The following GRID1 variants were observed in gnomAD, a reference collection of about 807,000 sequenced individuals.
GRID1 encodes glutamate ionotropic receptor delta type subunit 1.
A neutral mutation model predicts 98.0 loss-of-function variants in GRID1; 28 were observed. That is an observed-to-expected ratio of 0.29 (90% CI 0.21 to 0.39). The LOEUF (loss-of-function observed/expected upper bound fraction) is 0.39, where lower values mean the gene tolerates loss of function less well. GRID1 is among the 10% of genes least tolerant of loss of function. GRID1 has a pLI of 1.00. For synonymous variants in GRID1, 553 were observed against 538.5 expected (o/e 1.03, Z -0.37); for missense variants, 1,111 against 1,340.5 (o/e 0.83, Z 2.67).
chr10:86,299,726 C>T (rs1389392447), intron 2 of GRID1, among the ~76,000 whole-genome samples: 1 of 152,050 alleles, frequency 6.6e-6, no homozygotes. Context: ...TTGTGCCTGT[C>T]CCTCCAACAC....
chr10:85,985,498 G>T (rs1463364570), intron 4 of GRID1, among the ~76,000 whole-genome samples: 5 of 152,172 alleles, frequency 3.3e-5, no homozygotes, highest in Non-Finnish European at 7.3e-5. Context: ...CCAGAAGCAG[G>T]GTTTACCGCA....
At chr10:86,193,414 G>C (rs953786952) in intron 3 of GRID1, among the ~76,000 whole-genome samples, 14 of 152,252 alleles carry the variant, frequency 9.2e-5, no homozygotes, top group African/African-American at 3.4e-4. Flanking sequence ...CATTAGCAAA[G>C]CTCAACCACG....
At chr10:86,282,722 C>T (rs1278917317) in intron 2 of GRID1, among the ~76,000 whole-genome samples, 1 of 152,062 alleles carries the variant, frequency 6.6e-6, no homozygotes, top group Non-Finnish European at 1.5e-5. Flanking sequence ...TGTGGCCCTT[C>T]CCTGGGGGCT....
At chr10:86,319,641 A>G (rs1002867286) in intron 2 of GRID1, among the ~76,000 whole-genome samples, 1 of 152,060 alleles carries the variant, frequency 6.6e-6, no homozygotes, top group African/African-American at 2.4e-5. Context: ...GACTTTAGGC[A>G]AAGAGGTTCC....
intron 8 of GRID1, among the ~76,000 whole-genome samples, chr10:85,773,771 C>T (rs376612855): frequency 2.0e-5 from 3 of 152,030 alleles, no homozygotes; most frequent in Non-Finnish European, 2.9e-5. Context: ...TTACAAGGAA[C>T]GTGAAGGACC....
chr10:85,893,034 G>C (rs1841227487), intron 5 of GRID1, among the ~76,000 whole-genome samples: 1 of 151,870 alleles, frequency 6.6e-6, no homozygotes, highest in Non-Finnish European at 1.5e-5. Context: ...ACATTTTCTT[G>C]AAAAAAGACA....
At chr10:85,906,271 A>C (rs140671485) in intron 5 of GRID1, among the ~76,000 whole-genome samples, 85 of 152,286 alleles carry the variant, frequency 5.6e-4, no homozygotes, top group African/African-American at 1.9e-3. Context: ...AACTGGTAAA[A>C]CTGAAAGGAG....
intron 5 of GRID1, among the ~76,000 whole-genome samples, chr10:85,882,566 G>T (rs1016145570): frequency 6.6e-6 from 1 of 152,060 alleles, no homozygotes; most frequent in Non-Finnish European, 1.5e-5. Flanking sequence ...GATGGGAATT[G>T]AACAATGAGA....
intron 2 of GRID1, among the ~76,000 whole-genome samples, chr10:86,268,079 G>A (rs1847131015): frequency 6.6e-6 from 1 of 152,142 alleles, no homozygotes. Flanking sequence ...TCCCTAGACA[G>A]TAAGCTTCTG....
At chr10:86,054,777 TC>T (rs1317238041) in intron 4 of GRID1, among the ~76,000 whole-genome samples, 1 of 152,166 alleles carries the variant, frequency 6.6e-6, no homozygotes, top group Non-Finnish European at 1.5e-5. Context: ...GTAAAAATGG[TC>T]CCACTTCCCA....
At chr10:85,615,293 C>T (rs1842775089) in intron 14 of GRID1, among the ~76,000 whole-genome samples, 1 of 152,176 alleles carries the variant, frequency 6.6e-6, no homozygotes, top group Non-Finnish European at 1.5e-5. Flanking sequence ...CCAGACCTCA[C>T]CTGGACCAGG....
intron 13 of GRID1, among the ~76,000 whole-genome samples, chr10:85,630,787 G>A (rs979708506): frequency 2.0e-5 from 3 of 152,150 alleles, no homozygotes; most frequent in African/African-American, 4.8e-5. Context: ...CTCTTGGAAC[G>A]AGGTCCAAAA....
intron 3 of GRID1, among the ~76,000 whole-genome samples, chr10:86,165,268 A>G (rs988795038): frequency 2.6e-5 from 4 of 152,218 alleles, no homozygotes; most frequent in Non-Finnish European, 4.4e-5. Flanking sequence ...GAAGAGCTAG[A>G]TCTGAGATGA....
intron 2 of GRID1, among the ~76,000 whole-genome samples, chr10:86,224,692 G>A (rs1052780037): frequency 1.3e-5 from 2 of 152,186 alleles, no homozygotes; most frequent in Non-Finnish European, 2.9e-5. Context: ...AGTGCACCCA[G>A]GTTTCACCTC....
intron 4 of GRID1, among the ~76,000 whole-genome samples, chr10:86,101,599 C>T (rs1212901595): frequency 6.6e-6 from 1 of 151,130 alleles, no homozygotes; most frequent in Non-Finnish European, 1.5e-5. Context: ...CTGTATGTAA[C>T]AGGAGTTTGT....
chr10:85,974,955 G>T (rs898677316), intron 4 of GRID1, among the ~76,000 whole-genome samples: 1 of 152,176 alleles, frequency 6.6e-6, no homozygotes, highest in African/African-American at 2.4e-5. Context: ...TTTGATCAGT[G>T]AATCAATAAC....
At chr10:85,967,293 T>C (rs1291809984) in intron 4 of GRID1, among the ~76,000 whole-genome samples, 1 of 151,646 alleles carries the variant, frequency 6.6e-6, no homozygotes. Context: ...AACTAGTCCA[T>C]CAAAGTTACT....
chr10:86,051,740 C>T (rs1309490546), intron 4 of GRID1, among the ~76,000 whole-genome samples: 2 of 152,052 alleles, frequency 1.3e-5, no homozygotes, highest in African/African-American at 2.4e-5. Flanking sequence ...TGCTCTCATA[C>T]TATTTTTATC....
intron 14 of GRID1, among the ~76,000 whole-genome samples, chr10:85,615,359 G>A (rs749325742): frequency 3.3e-5 from 5 of 152,194 alleles, no homozygotes; most frequent in Non-Finnish European, 7.4e-5. Flanking sequence ...ACTGTTGACC[G>A]CCACTTAGAT....
Sources: gnomAD v4.1 joint callset for allele counts (sites outside exome capture counted in the v4.1 genomes callset) on GRCh38, gnomAD v4.1.1 for gene constraint, MANE v1.5 for transcripts, NCBI Gene and HGNC (gene_info 2026-07-23, HGNC 2026-07-21) for gene names.